The following IFT52 variants were observed in gnomAD, a reference collection of about 807,000 sequenced individuals.
IFT52 encodes the protein intraflagellar transport 52.
IFT52 carries 44 observed loss-of-function variants against 54.4 expected under a neutral mutation model. That is an observed-to-expected ratio of 0.81 (90% CI 0.63 to 1.04). The LOEUF (loss-of-function observed/expected upper bound fraction) is 1.04. IFT52 is among the 50% of genes least tolerant of loss of function. IFT52 has a pLI of 0.00. For missense variants in IFT52, 452 were observed against 523.6 expected, an observed-to-expected ratio of 0.86 and a Z score of 1.33; for synonymous variants, 181 against 185.3, an observed-to-expected ratio of 0.98 and a Z score of 0.19.
At chr20:43,617,886 G>T (rs73274317) in intron 7 of IFT52, among the ~76,000 whole-genome samples, 2,060 of 152,246 alleles carry the variant, frequency 0.014, 56 homozygotes, top group African/African-American at 0.047. Flanking sequence ...TGGGAGTACA[G>T]GTGCGTGCCA....
chr20:43,618,200 G>A (rs1368004213), intron 7 of IFT52: 1 of 150,708 alleles, frequency 6.6e-6, no homozygotes, highest in African/African-American at 2.4e-5. Context: ...GGAAAATGCT[G>A]TAGAATCAAT....
At chr20:43,608,640 C>A (rs969265300) in intron 6 of IFT52, among the ~76,000 whole-genome samples, 2 of 152,302 alleles carry the variant, frequency 1.3e-5, no homozygotes, top group Non-Finnish European at 1.5e-5. Context: ...TACCGTGGCT[C>A]ACCCCTATAA....
intron 2 of IFT52, among the ~76,000 whole-genome samples, chr20:43,595,315 TCAAAA>T (rs1981856290): frequency 3.7e-5 from 1 of 26,682 alleles, no homozygotes. Context: ...AGACTCCGTC[TCAAAA>T]AAAAAAAAAA....
intron 1 of IFT52, among the ~76,000 whole-genome samples, chr20:43,592,854 TA>T (rs1981640017): frequency 6.6e-6 from 1 of 152,204 alleles, no homozygotes; most frequent in Non-Finnish European, 1.5e-5. Flanking sequence ...CTCATGCCAG[TA>T]AACCAGCACT....
At chr20:43,617,578 G>T (rs1369371810) in intron 7 of IFT52, among the ~76,000 whole-genome samples, 7 of 151,896 alleles carry the variant, frequency 4.6e-5, no homozygotes, top group African/African-American at 1.7e-4. Context: ...TGAGTAGTTG[G>T]GATTACAGGC....
intron 8 of IFT52, among the ~76,000 whole-genome samples, chr20:43,619,415 TTTC>T (rs1386307301): frequency 1.3e-5 from 2 of 152,102 alleles, no homozygotes; most frequent in Non-Finnish European, 2.9e-5. Context: ...CAGATCTGTG[TTTC>T]TTCTTTTTTT....
intron 6 of IFT52, among the ~76,000 whole-genome samples, chr20:43,608,741 C>CA (rs1209548903): frequency 6.6e-6 from 1 of 151,636 alleles, no homozygotes; most frequent in Non-Finnish European, 1.5e-5. Context: ...CCTGTCTTTA[C>CA]AAAAAAATAC....
In IFT52 at chr20:43,614,809, CTTTT is replaced by C. The variant is rs1037730877; in HGVS notation, c.612+847_612+850del. 3.7e-5 allele frequency among the ~76,000 whole-genome samples: 5 copies of C among 134,974 alleles called. No homozygotes were observed. The East Asian group carries it at 1.1e-3, about 29-fold the overall frequency. The allele number at this position is 134,974 out of a possible 152,430, so 88.5% of individuals were successfully genotyped here. On this transcript the variant is annotated intron_variant, in intron 7 of 13. Coordinates refer to ENST00000373030, the MANE Select transcript of IFT52 (RefSeq NM_016004.5). ...CCAACATCCCACTGCCTTTCTTTTTCTTTTTTTTTTTTTTTTTGAGATGGAGTCT... is the reference window on the plus strand; with the variant it reads ...CCAACATCCCACTGCCTTTCTTTTTCTTTTTTTTTTTTTGAGATGGAGTCT...
In IFT52 at chr20:43,605,071, C is replaced by T; in HGVS notation, c.483C>T (p.Ala161=). 6.2e-7 allele frequency: 1 copy of T among 1,613,072 alleles called. No individual in the cohort carries two copies. Among genetic ancestry groups the T allele is most frequent in the South Asian group, 1.1e-5 (1 of 90,878 alleles). ...IIDEESSGNN[A]QALTFVYPFG... Reference sequence around the variant, plus strand: ...ATGAGGAAAGCAGTGGAAACAATGCCCAGTGAGTGTGTTTTCTGATGCCAC... The same window carrying T: ...ATGAGGAAAGCAGTGGAAACAATGCTCAGTGAGTGTGTTTTCTGATGCCAC... The change falls in exon 6 of 14, where the codon GCC becomes GCT. Residue 161 remains alanine (A), a splice_region_variant and synonymous_variant. Transcript: ENST00000373030.
intron 5 of IFT52, among the ~76,000 whole-genome samples, chr20:43,604,692 T>G (rs1982719713): frequency 6.6e-6 from 1 of 152,250 alleles, no homozygotes; most frequent in Non-Finnish European, 1.5e-5. Flanking sequence ...CTTGCCTTTT[T>G]GTTTTGTGTT....
At chr20:43,596,250 A>G (rs1293046849) in intron 2 of IFT52, among the ~76,000 whole-genome samples, 185 bp from the exon 3 acceptor site, 1 of 152,228 alleles carries the variant, frequency 6.6e-6, no homozygotes, top group African/African-American at 2.4e-5. Flanking sequence ...CAGAGGCCAG[A>G]TGACTCTGGG....
intron 7 of IFT52, among the ~76,000 whole-genome samples, chr20:43,615,383 A>G (rs77305467): frequency 0.011 from 1,645 of 152,160 alleles, 21 homozygotes; most frequent in African/African-American, 0.029. Flanking sequence ...ATTTACCTTC[A>G]TCTGCCCCCT....
chr20:43,608,052 G>A (rs561112423), intron 6 of IFT52, among the ~76,000 whole-genome samples: 1 of 57,292 alleles, frequency 1.7e-5, no homozygotes, highest in South Asian at 5.7e-4. Context: ...GCAGGCTGAG[G>A]CAGGAAATCA....
At position 43,620,888 on chromosome 20, in the gene IFT52, A is replaced by G. The variant is rs772567125; in HGVS notation, c.731A>G (p.Asp244Gly). 36 of 1,612,272 alleles carry G rather than the reference A, an allele frequency of 2.2e-5. No individual in the cohort carries two copies. Among genetic ancestry groups the G allele is most frequent in the Middle Eastern group, 1.6e-4 (1 of 6,078 alleles). The change falls in exon 9 of 14, where the codon GAC (aspartate) becomes GGC (glycine). Residue 244 changes from aspartate to glycine, a missense_variant. By Grantham distance (94) the Asp-to-Gly change is moderately conservative. Coordinates refer to ENST00000373030, the MANE Select transcript of IFT52 (RefSeq NM_016004.5). ...GTTTTCCAGTGGCTCACGACAGGAGACATCCACCTAAACCAGATTGATGCT... is the reference window on the plus strand; with the variant it reads ...GTTTTCCAGTGGCTCACGACAGGAGGCATCCACCTAAACCAGATTGATGCT... ...DVVFQWLTTG[D>G]IHLNQIDAED...
At chr20:43,605,932 A>G (rs1224336725) in intron 6 of IFT52, among the ~76,000 whole-genome samples, 1 of 152,140 alleles carries the variant, frequency 6.6e-6, no homozygotes, top group Admixed American at 6.6e-5. Flanking sequence ...GTTATAGACA[A>G]TTTTATAGCC....
intron 3 of IFT52, among the ~76,000 whole-genome samples, chr20:43,599,649 G>A (rs1257349513): frequency 6.6e-6 from 1 of 152,120 alleles, no homozygotes; most frequent in Non-Finnish European, 1.5e-5. Context: ...CTCCTAGACT[G>A]TTACCCCTGG....
intron 12 of IFT52, 104 bp from the exon 13 acceptor site, chr20:43,642,374 AG>A (rs1211038059): frequency 6.9e-5 from 71 of 1,029,728 alleles, no homozygotes; most frequent in Non-Finnish European, 9.8e-5. Context: ...GAGTGATCTT[AG>A]GAAATGTGGA....
At chr20:43,632,732 G>T (rs1326931816) in intron 10 of IFT52, among the ~76,000 whole-genome samples, 1 of 152,166 alleles carries the variant, frequency 6.6e-6, no homozygotes, top group African/African-American at 2.4e-5. Context: ...GAGTGAGCAC[G>T]CAGAAGTGCA....
intron 6 of IFT52, among the ~76,000 whole-genome samples, chr20:43,613,465 T>A (rs1177618124): frequency 2.0e-5 from 3 of 152,094 alleles, no homozygotes; most frequent in Non-Finnish European, 4.4e-5. Flanking sequence ...TTAGAAAAAA[T>A]TTTTTGTTTG....
Sources: gnomAD v4.1 joint callset for allele counts (sites outside exome capture counted in the v4.1 genomes callset) on GRCh38, gnomAD v4.1.1 for gene constraint, MANE v1.5 for transcripts, NCBI Gene and HGNC (gene_info 2026-07-23, HGNC 2026-07-21) for gene names.